Variants in PALLD observed in about 807,000 individuals in gnomAD.
The protein encoded by PALLD is palladin, cytoskeletal associated protein.
A neutral mutation model predicts 123.5 loss-of-function variants in PALLD; 61 were observed. That is an observed-to-expected ratio of 0.49 (90% CI 0.40 to 0.61). The LOEUF is 0.61. Ranked by LOEUF, PALLD falls within the 20% of genes least tolerant of loss-of-function variation. The pLI is 0.00. For missense variants in PALLD, 1,273 were observed against 1,377.0 expected (o/e 0.92, Z 1.20); for synonymous variants, 465 against 496.4 (o/e 0.94, Z 0.84).
rs1295742200 is a variant in PALLD, at chr4:168,844,151, TTTG to T, written c.1965-46768_1965-46766del. On this transcript the variant is annotated intron_variant, in intron 10 of 21. Transcript: ENST00000505667. This position sits in a 1 kb window ranked among gnomAD's most constrained non-coding sequence, Gnocchi z 4.5. ...TGTGCAAATCAAAGAGCTTTGACAGTTTGTTTTTTGTTTGTTTTTATTTGGGTG... is the reference window on the plus strand; with the variant it reads ...TGTGCAAATCAAAGAGCTTTGACAGTTTTTTTGTTTGTTTTTATTTGGGTG... The T allele has an allele frequency of 6.6e-6, 1 of 152,154 alleles. No individual in the cohort carries two copies. Among genetic ancestry groups the T allele is most frequent in the African/African-American group, 2.4e-5 (1 of 41,444 alleles). 9.4% of individuals were successfully genotyped at this position (152,154 alleles called of 1,614,324 possible). A position where few individuals can be genotyped will look rare whatever the true frequency, so the allele number is the denominator to read the frequency against.
intron 2 of PALLD, among the ~76,000 whole-genome samples, chr4:168,543,415 G>C (rs6840767): frequency 0.83 from 125,621 of 151,644 alleles, 52,512 homozygotes; most frequent in East Asian, 0.93. Flanking sequence ...GCAAGATGTG[G>C]TACTAAATGG....
chr4:168,779,416 A>G (rs1432414302), intron 10 of PALLD, among the ~76,000 whole-genome samples: 3 of 152,060 alleles, frequency 2.0e-5, no homozygotes, highest in Non-Finnish European at 4.4e-5. Context: ...AAACATTCCT[A>G]TGTTTTATTT....
chr4:168,624,373 A>G (rs945991069), intron 2 of PALLD, among the ~76,000 whole-genome samples: 5 of 152,170 alleles, frequency 3.3e-5, no homozygotes, highest in African/African-American at 1.2e-4. Flanking sequence ...CATTTGGACA[A>G]AAGTCAATAC....
At chr4:168,621,168 T>A (rs928130600) in intron 2 of PALLD, among the ~76,000 whole-genome samples, 3 of 152,250 alleles carry the variant, frequency 2.0e-5, no homozygotes, top group Admixed American at 6.5e-5. Context: ...CCCTAGCCAT[T>A]GATAAACCTC....
chr4:168,588,733 C>T (rs1771101398), intron 2 of PALLD, among the ~76,000 whole-genome samples: 1 of 150,330 alleles, frequency 6.7e-6, no homozygotes, highest in South Asian at 2.1e-4. Flanking sequence ...TTTAAGCATA[C>T]TCTGGTTATC....
intron 2 of PALLD, among the ~76,000 whole-genome samples, chr4:168,516,221 C>T (rs773746042): frequency 2.6e-5 from 4 of 152,154 alleles, no homozygotes; most frequent in Admixed American, 6.5e-5. Flanking sequence ...ATTATATTAA[C>T]AATTTGAATT....
At chr4:168,752,125 C>A (rs1008974267) in intron 10 of PALLD, among the ~76,000 whole-genome samples, 15 of 152,344 alleles carry the variant, frequency 9.8e-5, no homozygotes, top group African/African-American at 3.1e-4. Flanking sequence ...GTAATCCCAG[C>A]ACTTCGGGAG....
At chr4:168,743,896 G>T (rs527649804) in intron 10 of PALLD, among the ~76,000 whole-genome samples, 1 of 152,128 alleles carries the variant, frequency 6.6e-6, no homozygotes, top group East Asian at 1.9e-4. Flanking sequence ...GATAAATAAG[G>T]GGGATTTGGA....
intron 2 of PALLD, among the ~76,000 whole-genome samples, chr4:168,566,478 T>G (rs986888977): frequency 6.6e-6 from 1 of 152,026 alleles, no homozygotes. Flanking sequence ...TTTATATTTT[T>G]GTCGAGACGG....
chr4:168,598,486 A>G (rs1202022329), intron 2 of PALLD: 1 of 547,106 alleles, frequency 1.8e-6, no homozygotes, highest in African/African-American at 2.0e-5. Context: ...CAGAGAGAGA[A>G]GAACTAGAGA....
chr4:168,914,056 T>G (rs766855085), intron 16 of PALLD, 35 bp downstream of exon 16: 4 of 1,173,376 alleles, frequency 3.4e-6, no homozygotes, highest in Non-Finnish European at 5.1e-6. Flanking sequence ...AGTGTTACAT[T>G]ATTTTATTTA....
intron 8 of PALLD, among the ~76,000 whole-genome samples, chr4:168,699,858 A>G (rs1783505100): frequency 6.6e-6 from 1 of 152,184 alleles, no homozygotes; most frequent in African/African-American, 2.4e-5. Flanking sequence ...TGGGAAAATT[A>G]GATTAAAATG....
At chr4:168,629,135 G>A (rs972515744) in intron 2 of PALLD, among the ~76,000 whole-genome samples, 3 of 151,456 alleles carry the variant, frequency 2.0e-5, no homozygotes, top group South Asian at 2.1e-4. Context: ...TCCTGCCTCA[G>A]CCTCCCAAGT....
At chr4:168,657,684 T>A (rs1778714908) in intron 2 of PALLD, among the ~76,000 whole-genome samples, 1 of 152,214 alleles carries the variant, frequency 6.6e-6, no homozygotes, top group Admixed American at 6.5e-5. Flanking sequence ...TGCCAGCAGT[T>A]GTGCCAATAG....
At chr4:168,819,553 G>T (rs1452386933) in intron 10 of PALLD, among the ~76,000 whole-genome samples, 1 of 152,164 alleles carries the variant, frequency 6.6e-6, no homozygotes, top group Non-Finnish European at 1.5e-5. Context: ...ATAATAAACT[G>T]TTCTCACAAA....
chr4:168,581,205 A>G (rs1770238017), intron 2 of PALLD, among the ~76,000 whole-genome samples: 1 of 152,030 alleles, frequency 6.6e-6, no homozygotes, highest in Non-Finnish European at 1.5e-5. Flanking sequence ...TAACACTACC[A>G]TGAACGTGGG....
chr4:168,671,257 C>T (rs1349566674), intron 3 of PALLD, among the ~76,000 whole-genome samples: 4 of 152,160 alleles, frequency 2.6e-5, no homozygotes, highest in Non-Finnish European at 5.9e-5. Flanking sequence ...TGTGGTTCTT[C>T]TGTGTAAAAG....
chr4:168,710,278 TTTTTC>T (rs141300706), intron 9 of PALLD, among the ~76,000 whole-genome samples: 12 of 152,016 alleles, frequency 7.9e-5, no homozygotes, highest in South Asian at 6.2e-4. Flanking sequence ...GCTTTTTTTC[TTTTTC>T]TTTTCTTTTC....
intron 15 of PALLD, among the ~76,000 whole-genome samples, chr4:168,911,311 C>A (rs528819966): frequency 7.2e-5 from 11 of 152,302 alleles, no homozygotes; most frequent in Admixed American, 6.5e-4. Context: ...ATTTAACTTA[C>A]ATTATATCTT....
Sources: allele counts gnomAD v4.1 joint callset (sites outside exome capture counted in the v4.1 genomes callset), GRCh38; gene constraint gnomAD v4.1.1; non-coding constraint Gnocchi (gnomAD v3.1); transcripts MANE v1.5; gene names NCBI Gene and HGNC (gene_info 2026-07-23, HGNC 2026-07-21).